Variants in SARM1 observed in about 807,000 individuals in gnomAD.
SARM1 encodes the protein NAD(+) hydrolase SARM1.
A neutral mutation model predicts 65.1 loss-of-function variants in SARM1; 60 were observed. The observed-to-expected ratio is 0.92, with a 90% CI of 0.75 to 1.14. SARM1 has a LOEUF of 1.14. Ranked by LOEUF, SARM1 falls within the 50% of genes most tolerant of loss-of-function variation. SARM1 has a pLI of 0.00. For synonymous variants in SARM1, 417 were observed against 465.4 expected (o/e 0.90, Z 1.34); for missense variants, 913 against 1,015.7 (o/e 0.90, Z 1.37).
rs1179059714 is a variant in SARM1 at position 28,401,393 on chromosome 17, G to C, written c.*5107G>C. 1.3e-5 allele frequency: 2 copies of C among 157,928 alleles called. No homozygotes were observed. Among genetic ancestry groups the C allele is most frequent in the East Asian group, 3.6e-4 (2 of 5,488 alleles). 9.8% of individuals were successfully genotyped at this position (157,928 alleles called of 1,614,324 possible). On this transcript the variant is annotated 3_prime_UTR_variant, in exon 9 of 9. Coordinates refer to ENST00000585482, the MANE Select transcript of SARM1 (RefSeq NM_015077.4). ...AAGTGCTGGGAAAAAAAGTTTAGGT[G>C]AATGAATGAAGACACATGGATTCTG...
intron 1 of SARM1, among the ~76,000 whole-genome samples, chr17:28,374,970 C>CAAAAAAAAAAAAAAAAAAAAAAAAAAAAA (rs35032822): frequency 1.4e-5 from 1 of 70,432 alleles, no homozygotes. Context: ...CAGACCTTGT[C>CAAAAAAAAAAAAAAAAAAAAAAAAAAAAA]AAAAAAAAAA....
At position 28,372,549 on chromosome 17, in the gene SARM1, A is replaced by C. The variant is rs1555584239; in HGVS notation, c.470+47A>C. ...TGGGAGAGCGCCGCGTGGTGTGGAC[A>C]GTTAAGCGCCTGCGTTCCCGTGTGC... On this transcript the variant is annotated intron_variant, in intron 1 of 8. Coordinates refer to ENST00000585482, the MANE Select transcript of SARM1 (RefSeq NM_015077.4). The surrounding 1 kb of genome is among the most constrained non-coding windows in gnomAD (Gnocchi z 5.2). 1 of 1,426,228 alleles carries C rather than the reference A, an allele frequency of 7.0e-7. No individual in the cohort carries two copies. Among genetic ancestry groups the C allele is most frequent in the Admixed American group, 2.3e-5 (1 of 43,866 alleles). The allele number at this position is 1,426,228 out of a possible 1,614,324, so 88.3% of individuals were successfully genotyped here. A position where few individuals can be genotyped will look rare whatever the true frequency, so the allele number is the denominator to read the frequency against.
intron 1 of SARM1, chr17:28,373,077 A>G (rs2067967860): frequency 6.6e-6 from 1 of 152,530 alleles, no homozygotes; most frequent in Non-Finnish European, 1.5e-5. Context: ...AACAGGCCAG[A>G]CATGATCTCA....
Position 28,372,139 on chromosome 17 carries a change from G to A in SARM1, c.107G>A (p.Gly36Asp), listed in dbSNP as rs2067960127. Residue 36 changes from glycine to aspartate, a missense_variant, in exon 1 of 9, where the codon GGC (glycine) becomes GAC (aspartate). This residue lies in a region of SARM1 where 12 missense variants were observed against 31.5 expected (regional missense o/e 0.38). Coordinates refer to ENST00000585482, the MANE Select transcript of SARM1 (RefSeq NM_015077.4). The surrounding 1 kb of genome is among the most constrained non-coding windows in gnomAD (Gnocchi z 5.2). ...CTGGCGGTGCCTGGGCCAGATGGGG[G>A]CGGTGGCACGGGCCCATGGTGGGCT... The part of the protein sequence containing the change: ...ERLAVPGPDG[G>D]GGTGPWWAAG... The A allele has an allele frequency of 4.9e-6, 7 of 1,434,872 alleles. No homozygotes were observed. In the South Asian group the frequency reaches 9.9e-5, roughly 20 times the overall value. The allele number at this position is 1,434,872 out of a possible 1,614,324, so 88.9% of individuals were successfully genotyped here. A position where few individuals can be genotyped will look rare whatever the true frequency, so the allele number is the denominator to read the frequency against.
rs527626532 is a variant in SARM1 at position 28,381,710 on chromosome 17, C to T, written c.978C>T (p.Asp326=). 116 of 1,557,324 alleles carry T rather than the reference C, an allele frequency of 7.4e-5. 2 individuals are homozygous for T. The Admixed American group carries it at 1.7e-3, about 23-fold the overall frequency. The change falls in exon 2 of 9, where the codon GAC becomes GAT. Residue 326 remains aspartate, a synonymous_variant. Coordinates refer to ENST00000585482, the MANE Select transcript of SARM1 (RefSeq NM_015077.4). ...SDTSQGRGPD[D]LQRLVPLLDS... is the part of the protein sequence containing the mutation. ...CAAGCCAGGGCCGCGGGCCCGACGACCTGCAGCGCCTCGTGCCGTTGCTCG... is the reference window on the plus strand; with the variant it reads ...CAAGCCAGGGCCGCGGGCCCGACGATCTGCAGCGCCTCGTGCCGTTGCTCG...
chr17:28,389,797 G>T (rs1343054860), intron 7 of SARM1, among the ~76,000 whole-genome samples: 1 of 152,146 alleles, frequency 6.6e-6, no homozygotes, highest in African/African-American at 2.4e-5. Context: ...CTGAGGCAGG[G>T]GAATCGCTTG....
chr17:28,381,918 A>G (rs1555585366), intron 2 of SARM1, 97 bp downstream of exon 2: 3 of 1,326,174 alleles, frequency 2.3e-6, no homozygotes, highest in Non-Finnish European at 2.9e-6. Flanking sequence ...TGAAATACAC[A>G]TCAGAATTAG....
chr17:28,387,213 ATTCTTTTCTT>A (rs529727875), intron 5 of SARM1, among the ~76,000 whole-genome samples: 16 of 149,286 alleles, frequency 1.1e-4, no homozygotes, highest in South Asian at 6.4e-4. Context: ...ACACTGGGCA[ATTCTTTTCTT>A]TTCTTTTCTT....
At chr17:28,383,548 A>G (rs2068034964) in intron 2 of SARM1, among the ~76,000 whole-genome samples, 1 of 152,188 alleles carries the variant, frequency 6.6e-6, no homozygotes, top group Admixed American at 6.5e-5. Context: ...TAAAGGAAGT[A>G]GGGAGTGAGG....
intron 5 of SARM1, among the ~76,000 whole-genome samples, chr17:28,387,293 T>G (rs1353506980): frequency 6.6e-6 from 1 of 151,592 alleles, no homozygotes; most frequent in Non-Finnish European, 1.5e-5. Context: ...AGTGCGGTGG[T>G]GCATTCTTGG....
chr17:28,371,870 C>A lies in SARM1; in HGVS notation c.-163C>A. 6.1e-6 allele frequency: 3 copies of A among 491,290 alleles called. No individual in the cohort carries two copies. The highest frequency in any genetic ancestry group is 6.5e-5 in the South Asian group (2 of 30,540). The allele number at this position is 491,290 out of a possible 1,614,324, so 30.4% of individuals were successfully genotyped here. A position where few individuals can be genotyped will look rare whatever the true frequency, so the allele number is the denominator to read the frequency against. On this transcript the variant is annotated 5_prime_UTR_variant, in exon 1 of 9. Coordinates refer to ENST00000585482, the MANE Select transcript of SARM1 (RefSeq NM_015077.4). ...CTCCCCCGATCCTGCCGACACTCCT[C>A]CCCCAAACTTCTGACCGGCACCCTT...
chr17:28,385,323 G>T lies in SARM1; in HGVS notation c.1630+48G>T. On this transcript the variant is annotated intron_variant, in intron 5 of 8. Coordinates refer to ENST00000585482, the MANE Select transcript of SARM1 (RefSeq NM_015077.4). The surrounding 1 kb of genome is among the most constrained non-coding windows in gnomAD (Gnocchi z 4.5). ...CCGCCCCAGCCCCAGCCCCAGCCAC[G>T]GCCCTGGAATGGTGAGGGGAGACAC... 1 of 1,392,328 alleles carries T rather than the reference G, an allele frequency of 7.2e-7. No individual in the cohort carries two copies. The highest frequency in any genetic ancestry group is 9.6e-7 in the Non-Finnish European group (1 of 1,046,894). The allele number at this position is 1,392,328 out of a possible 1,614,324, so 86.2% of individuals were successfully genotyped here.
chr17:28,402,877 G>A lies in SARM1; in HGVS notation c.*6591G>A, dbSNP rs944298665. On this transcript the variant is annotated 3_prime_UTR_variant, in exon 9 of 9. Transcript: ENST00000585482. The stretch of plus-strand genomic sequence containing the variant: ...TTGGAAAATGAGTCTATGCAGGTGT[G>A]CAGTTAAGCCTCCTGAGAGAGCAGA... 6.6e-6 allele frequency: 1 copy of A among 152,528 alleles called. No individual in the cohort carries two copies. Among genetic ancestry groups the A allele is most frequent in the Non-Finnish European group, 1.5e-5 (1 of 68,240 alleles). 9.4% of individuals were successfully genotyped at this position (152,528 alleles called of 1,614,324 possible). A position where few individuals can be genotyped will look rare whatever the true frequency, so the allele number is the denominator to read the frequency against.
chr17:28,381,906 C>G, intron 2 of SARM1, 85 bp downstream of exon 2: 1 of 1,350,478 alleles, frequency 7.4e-7, no homozygotes, highest in Non-Finnish European at 9.5e-7. Context: ...TCAACCGGGT[C>G]TTGAAATACA....
Position 28,397,227 on chromosome 17 carries a change from C to T in SARM1, c.*941C>T, listed in dbSNP as rs2068137592. ...GGAAAGAGGCAAAGTCCTGAAAAGG[C>T]AAAGGGTTGTCACTTAGGGCAGCTT... On this transcript the variant is annotated 3_prime_UTR_variant, in exon 9 of 9. Transcript: ENST00000585482. The T allele has an allele frequency of 6.5e-6, 1 of 152,750 alleles. No individual in the cohort carries two copies. The highest frequency in any genetic ancestry group is 1.5e-5 in the Non-Finnish European group (1 of 68,130). 9.5% of individuals were successfully genotyped at this position (152,750 alleles called of 1,614,324 possible).
chr17:28,381,484 C>T lies in SARM1; in HGVS notation c.752C>T (p.Ala251Val). 6.4e-7 allele frequency: 1 copy of T among 1,554,272 alleles called. No homozygotes were observed. Among genetic ancestry groups the T allele is most frequent in the Non-Finnish European group, 8.7e-7 (1 of 1,149,548 alleles). The change falls in exon 2 of 9, where the codon GCC becomes GTC. Residue 251 changes from alanine (A) to valine (V), a missense_variant. Transcript: ENST00000585482. ...VQRRMVEKRAAEWLFPLAFSK... is the reference protein window; with the variant it reads ...VQRRMVEKRAVEWLFPLAFSK... Reference sequence around the variant, plus strand: ...CGACGCATGGTAGAGAAGCGCGCAGCCGAGTGGCTCTTCCCGCTCGCCTTC... The same window carrying T: ...CGACGCATGGTAGAGAAGCGCGCAGTCGAGTGGCTCTTCCCGCTCGCCTTC...
intron 2 of SARM1, among the ~76,000 whole-genome samples, chr17:28,382,344 A>G (rs2068029069): frequency 6.6e-6 from 1 of 152,134 alleles, no homozygotes; most frequent in African/African-American, 2.4e-5. Context: ...AGGGGAAGAA[A>G]GTGACTTCTG....
chr17:28,381,119 G>C, intron 1 of SARM1, 84 bp from the exon 2 acceptor site: 4 of 1,463,556 alleles, frequency 2.7e-6, no homozygotes, highest in Non-Finnish European at 3.6e-6. Context: ...GCCCAGAGAG[G>C]GTTAGTGACC....
At chr17:28,375,657 AC>A (rs2067984906) in intron 1 of SARM1, among the ~76,000 whole-genome samples, 1 of 151,814 alleles carries the variant, frequency 6.6e-6, no homozygotes, top group Admixed American at 6.6e-5. Flanking sequence ...GTGGAAAAGC[AC>A]ACAAAAGGTA....
Sources: gnomAD v4.1 joint callset for allele counts (sites outside exome capture counted in the v4.1 genomes callset) on GRCh38, gnomAD v4.1.1 for gene constraint, gnomAD v4.1.1 regional missense constraint, Gnocchi (gnomAD v3.1) non-coding constraint, MANE v1.5 for transcripts, NCBI Gene and HGNC (gene_info 2026-07-23, HGNC 2026-07-21) for gene names.